Variants in LUZP2 observed in about 807,000 individuals in gnomAD.
LUZP2 encodes leucine zipper protein 2.
In LUZP2, 52 loss-of-function variants were observed where a neutral mutation model predicts 51.6. The ratio of observed to expected loss-of-function variants is 1.01; its 90% CI spans 0.81 to 1.27. LUZP2 has a LOEUF of 1.27. LUZP2 is among the 50% of genes most tolerant of loss of function. LUZP2 has a pLI of 0.00. For synonymous variants in LUZP2, 154 were observed against 137.3 expected (o/e 1.12, Z -0.85); for missense variants, 436 against 395.4 (o/e 1.10, Z -0.87).
In LUZP2 at chr11:24,678,079, G is replaced by GT. The variant is rs370907297; in HGVS notation, c.63-51090_63-51089insT. On this transcript the variant is annotated intron_variant, in intron 1 of 11. Coordinates refer to ENST00000336930, the MANE Select transcript of LUZP2 (RefSeq NM_001009909.4). ...AGAAAAGGGAGGAAAGGAGAAAGGG[G>GT]GGGGGGGGTGATTACTACGTAGCTA... Among the ~76,000 whole-genome samples, 714 of 136,446 alleles carry GT rather than the reference G, an allele frequency of 5.2e-3. 22 individuals carry two copies. The highest frequency in any genetic ancestry group is 0.019 in the African/African-American group (686 of 36,850). 89.5% of individuals were successfully genotyped at this position (136,446 alleles called of 152,430 possible). A position where few individuals can be genotyped will look rare whatever the true frequency, so the allele number is the denominator to read the frequency against.
At chr11:24,556,912 G>A (rs150215767) in intron 1 of LUZP2, among the ~76,000 whole-genome samples, 10 of 152,124 alleles carry the variant, frequency 6.6e-5, no homozygotes, top group East Asian at 5.8e-4. Context: ...AATCTTCCAC[G>A]ATCATTTTGG....
chr11:24,843,714 C>T (rs1374172327), intron 5 of LUZP2, among the ~76,000 whole-genome samples: 1 of 152,068 alleles, frequency 6.6e-6, no homozygotes, highest in African/African-American at 2.4e-5. Flanking sequence ...ACACAATTCC[C>T]ACATATCATG....
In LUZP2 at chr11:24,929,519, G is replaced by T. The variant is rs886468050; in HGVS notation, c.522+14981G>T. Among the ~76,000 whole-genome samples the T allele has an allele frequency of 3.3e-5, 5 of 152,142 alleles. 1 individual carries two copies. The highest frequency in any genetic ancestry group is 1.3e-4 in the Admixed American group (2 of 15,286). On this transcript the variant is annotated intron_variant, in intron 7 of 11. Coordinates refer to ENST00000336930, the MANE Select transcript of LUZP2 (RefSeq NM_001009909.4). ...TAGGTTATTTAATTTCCTTGCAATT[G>T]TATGGTGTTGAGGGTTCCTTCTGGA... is the stretch of plus-strand genomic sequence containing the variant.
intron 4 of LUZP2, among the ~76,000 whole-genome samples, chr11:24,753,003 C>A (rs558336516): frequency 6.6e-6 from 1 of 151,916 alleles, no homozygotes; most frequent in South Asian, 2.1e-4. Flanking sequence ...GAATTGGCAA[C>A]AACATTAATG....
At chr11:24,805,705 C>T (rs748720879) in intron 5 of LUZP2, among the ~76,000 whole-genome samples, 3 of 152,062 alleles carry the variant, frequency 2.0e-5, no homozygotes, top group East Asian at 1.9e-4. Context: ...TCTAGCCCAT[C>T]GTTTTCTCAA....
intron 1 of LUZP2, among the ~76,000 whole-genome samples, chr11:24,602,213 T>C (rs1350353250): frequency 1.4e-5 from 1 of 70,842 alleles, no homozygotes; most frequent in East Asian, 5.1e-4. Context: ...TATGTGTATA[T>C]ATGTATATAT....
chr11:24,660,957 A>G (rs1856001708), intron 1 of LUZP2, among the ~76,000 whole-genome samples: 2 of 152,144 alleles, frequency 1.3e-5, no homozygotes, highest in South Asian at 4.1e-4. Context: ...TAAAATCTAT[A>G]TTCTTGTTTC....
chr11:24,878,451 T>C (rs912061980), intron 5 of LUZP2, among the ~76,000 whole-genome samples: 3 of 152,096 alleles, frequency 2.0e-5, no homozygotes, highest in African/African-American at 7.2e-5. Context: ...TTGCTTCTTT[T>C]CTCTTGCTGC....
At chr11:25,007,507 G>T (rs989266729) in intron 9 of LUZP2, among the ~76,000 whole-genome samples, 1 of 152,140 alleles carries the variant, frequency 6.6e-6, no homozygotes, top group Admixed American at 6.5e-5. Flanking sequence ...GGAGGCTGAG[G>T]TAGGAGAATC....
At position 24,926,207 on chromosome 11, in the gene LUZP2, G is replaced by GTA. The variant is rs141931658; in HGVS notation, c.522+11682_522+11683dup. The stretch of plus-strand genomic sequence containing the variant: ...TATATATGTGTATATATATATGTGT[G>GTA]TATATATATATATACGTGTATATAT... On this transcript the variant is annotated intron_variant, in intron 7 of 11. Transcript: ENST00000336930. 5.9e-3 allele frequency among the ~76,000 whole-genome samples: 855 copies of GTA among 144,476 alleles called. 13 individuals are homozygous for GTA. The highest frequency in any genetic ancestry group is 0.018 in the African/African-American group (690 of 39,148). 94.8% of individuals were successfully genotyped at this position (144,476 alleles called of 152,430 possible).
chr11:24,921,058 G>A (rs1053260729), intron 7 of LUZP2, among the ~76,000 whole-genome samples: 10 of 152,060 alleles, frequency 6.6e-5, no homozygotes, highest in African/African-American at 2.4e-4. Flanking sequence ...TATTAATATG[G>A]CTTTGATGAC....
chr11:24,897,102 G>A (rs1853089730), intron 5 of LUZP2, among the ~76,000 whole-genome samples: 1 of 152,100 alleles, frequency 6.6e-6, no homozygotes, highest in Admixed American at 6.5e-5. Context: ...GGGACTTGGA[G>A]AACTTTTACC....
At chr11:24,781,872 C>T (rs923432797) in intron 5 of LUZP2, among the ~76,000 whole-genome samples, 1 of 151,932 alleles carries the variant, frequency 6.6e-6, no homozygotes, top group Non-Finnish European at 1.5e-5. Flanking sequence ...GTATGAAAAG[C>T]ACCTGGGGAT....
At chr11:24,810,428 A>T (rs990486552) in intron 5 of LUZP2, among the ~76,000 whole-genome samples, 1 of 152,178 alleles carries the variant, frequency 6.6e-6, no homozygotes. Flanking sequence ...TAAAGATAAT[A>T]GCCACTCTTT....
chr11:25,050,090 A>AG lies in LUZP2; in HGVS notation c.820dup (p.Glu274GlyfsTer10), dbSNP rs1858445517. The AG allele has an allele frequency of 6.2e-7, 1 of 1,600,500 alleles. No individual in the cohort carries two copies. Among genetic ancestry groups the AG allele is most frequent in the Admixed American group, 1.7e-5 (1 of 58,158 alleles). On this transcript the variant is annotated frameshift_variant, in exon 10 of 12. Transcript: ENST00000336930. LOFTEE classifies it high-confidence loss of function. The stretch of plus-strand genomic sequence containing the variant: ...GAGAGCTCTCAAGTTGAGTCAACAA[A>AG]GGAAGGAAATCCAAGTACCACTGCC...
At chr11:24,810,277 C>T (rs1233364020) in intron 5 of LUZP2, among the ~76,000 whole-genome samples, 3 of 152,082 alleles carry the variant, frequency 2.0e-5, no homozygotes, top group Non-Finnish European at 4.4e-5. Context: ...GATTACTGTG[C>T]ATTTTTCCTG....
At chr11:24,975,665 A>T (rs1855864149) in intron 7 of LUZP2, among the ~76,000 whole-genome samples, 1 of 152,108 alleles carries the variant, frequency 6.6e-6, no homozygotes, top group Non-Finnish European at 1.5e-5. Context: ...TAGAATAAGT[A>T]TTGCCATCTC....
At chr11:24,565,500 C>A (rs775409421) in intron 1 of LUZP2, among the ~76,000 whole-genome samples, 2 of 151,800 alleles carry the variant, frequency 1.3e-5, no homozygotes, top group Non-Finnish European at 2.9e-5. Context: ...ATGTTCAATA[C>A]CAAAAAAGCA....
At chr11:24,789,662 C>G (rs895423133) in intron 5 of LUZP2, among the ~76,000 whole-genome samples, 1 of 152,138 alleles carries the variant, frequency 6.6e-6, no homozygotes, top group South Asian at 2.1e-4. Flanking sequence ...AAATTGATTT[C>G]TCACAGTTCC....
Sources: allele counts gnomAD v4.1 joint callset (sites outside exome capture counted in the v4.1 genomes callset), GRCh38; gene constraint gnomAD v4.1.1; transcripts MANE v1.5; gene names NCBI Gene and HGNC (gene_info 2026-07-23, HGNC 2026-07-21).